Variants in VPS13D observed in about 807,000 individuals in gnomAD.
VPS13D encodes the protein intermembrane lipid transfer protein VPS13D.
VPS13D carries 187 observed loss-of-function variants against 461.9 expected under a neutral mutation model. The observed-to-expected ratio is 0.40, with a 90% CI of 0.36 to 0.46. The LOEUF (loss-of-function observed/expected upper bound fraction) is 0.46. Ranked by LOEUF, VPS13D falls within the 20% of genes least tolerant of loss-of-function variation. The pLI, the probability that VPS13D is intolerant of heterozygous loss-of-function variation, is 0.60. For missense variants in VPS13D, 4,711 were observed against 5,364.9 expected, an observed-to-expected ratio of 0.88 and a Z score of 3.81; for synonymous variants, 1,951 against 1,986.3, an observed-to-expected ratio of 0.98 and a Z score of 0.47.
At chr1:12,470,646 G>C (rs1471533848) in intron 67 of VPS13D, among the ~76,000 whole-genome samples, 1 of 152,106 alleles carries the variant, frequency 6.6e-6, no homozygotes, top group Non-Finnish European at 1.5e-5. Flanking sequence ...AAATAATTGA[G>C]GACAAACTGC....
chr1:12,248,935 A>G (rs72864965), intron 5 of VPS13D, among the ~76,000 whole-genome samples: 1,836 of 152,318 alleles, frequency 0.012, 34 homozygotes, highest in African/African-American at 0.042. Context: ...AGTAACATTC[A>G]AGAGAGTTAT....
Position 12,473,362 on chromosome 1 carries a change from C to T in VPS13D, c.12662+12966C>T, listed in dbSNP as rs752229753. Among the ~76,000 whole-genome samples the T allele has an allele frequency of 1.3e-5, 2 of 152,224 alleles. No homozygotes were observed. The highest frequency in any genetic ancestry group is 2.9e-5 in the Non-Finnish European group (2 of 68,042). On this transcript the variant is annotated intron_variant, in intron 67 of 69. Transcript: ENST00000620676. This position sits in a 1 kb window ranked among gnomAD's most constrained non-coding sequence, Gnocchi z 4.2. Reference sequence around the variant, plus strand: ...TGGCAGTCAGTGTGAAAAGAAACCACGCATTTGCAGGAAGCAAGAAGGGGT... The same window carrying T: ...TGGCAGTCAGTGTGAAAAGAAACCATGCATTTGCAGGAAGCAAGAAGGGGT...
At chr1:12,412,378 G>A (rs1644740553) in intron 63 of VPS13D, among the ~76,000 whole-genome samples, 1 of 152,174 alleles carries the variant, frequency 6.6e-6, no homozygotes, top group African/African-American at 2.4e-5. Flanking sequence ...GTACAAAGTT[G>A]GGGAGAGCTT....
chr1:12,428,115 G>A (rs1194918234), intron 65 of VPS13D, among the ~76,000 whole-genome samples: 1 of 152,232 alleles, frequency 6.6e-6, no homozygotes, highest in Non-Finnish European at 1.5e-5. Context: ...TTTCTACAGT[G>A]TTGGGGATGA....
At chr1:12,438,537 C>A (rs144195982) in intron 65 of VPS13D, among the ~76,000 whole-genome samples, 79 of 152,288 alleles carry the variant, frequency 5.2e-4, no homozygotes, top group Middle Eastern at 3.4e-3. Context: ...TTAAAATTTT[C>A]TTGAGTTTTT....
rs527452826 is a variant in VPS13D at position 12,270,822 on chromosome 1, C to T, written c.1973-172C>T. 4.6e-5 allele frequency among the ~76,000 whole-genome samples: 7 copies of T among 152,210 alleles called. No homozygotes were observed. The South Asian group carries it at 1.0e-3, about 23-fold the overall frequency. ...CCTCAGTCTCCTGGGCTCAGGCATC[C>T]TCCTGCCTTGGCCTCCCAAAGTGCT... On this transcript the variant is annotated intron_variant, in intron 16 of 69. Coordinates refer to ENST00000620676, the MANE Select transcript of VPS13D (RefSeq NM_015378.4).
At position 12,377,724 on chromosome 1, in the gene VPS13D, G is replaced by A. The variant is rs555699245; in HGVS notation, c.10918-704G>A. 1.0e-3 allele frequency among the ~76,000 whole-genome samples: 156 copies of A among 151,276 alleles called. 1 individual carries two copies. Among genetic ancestry groups the A allele is most frequent in the African/African-American group, 3.6e-3 (148 of 41,186 alleles). On this transcript the variant is annotated intron_variant, in intron 55 of 69. Coordinates refer to ENST00000620676, the MANE Select transcript of VPS13D (RefSeq NM_015378.4). ...AATCCCAGCTACTCGGGAGGCTGAG[G>A]CAGGAGAATTCGCCTGAACCCAGGA... is the stretch of plus-strand genomic sequence containing the variant.
Position 12,506,859 on chromosome 1 carries a change from C to T in VPS13D, c.12801C>T (p.Ile4267=), listed in dbSNP as rs557569408. 10 of 1,614,028 alleles carry T rather than the reference C, an allele frequency of 6.2e-6. No homozygotes were observed. In the Admixed American group the frequency reaches 6.7e-5, roughly 11 times the overall value. The change falls in exon 69 of 70, where the codon ATC becomes ATT. Residue 4267 remains isoleucine (I), a synonymous_variant. Coordinates refer to ENST00000620676, the MANE Select transcript of VPS13D (RefSeq NM_015378.4). Reference sequence around the variant, plus strand: ...TTCCCGTCTCGCTTTGCAGCTTCATCGCTGTGGAGAACATTGACAGCTACT... The same window carrying T: ...TTCCCGTCTCGCTTTGCAGCTTCATTGCTGTGGAGAACATTGACAGCTACT... ...LTDNIQDEFF[I]AVENIDSYCV...
At chr1:12,324,725 G>T (rs1031586103) in intron 35 of VPS13D, among the ~76,000 whole-genome samples, 1 of 152,214 alleles carries the variant, frequency 6.6e-6, no homozygotes, top group African/African-American at 2.4e-5. Flanking sequence ...CTCTATAAAT[G>T]TTAACCACTG....
intron 29 of VPS13D, 70 bp from the exon 30 acceptor site, chr1:12,314,045 A>G: frequency 7.1e-7 from 1 of 1,413,656 alleles, no homozygotes; most frequent in Non-Finnish European, 9.8e-7. Context: ...CGTTATCTCG[A>G]ACTTATATAC....
At chr1:12,321,126 C>T (rs1643023585) in intron 32 of VPS13D, among the ~76,000 whole-genome samples, 2 of 152,166 alleles carry the variant, frequency 1.3e-5, no homozygotes, top group Non-Finnish European at 2.9e-5. Context: ...TCCCTTCTTT[C>T]TCTCTCCCAA....
intron 67 of VPS13D, among the ~76,000 whole-genome samples, chr1:12,475,515 G>A (rs1330943947): frequency 1.3e-5 from 2 of 152,210 alleles, no homozygotes; most frequent in Non-Finnish European, 2.9e-5. Context: ...AAATAAAAAA[G>A]CACTAGGTTA....
Position 12,311,564 on chromosome 1 carries a change from AC to A in VPS13D, c.6763del (p.Leu2255TrpfsTer5). On this transcript the variant is annotated frameshift_variant, in exon 28 of 70. Coordinates refer to ENST00000620676, the MANE Select transcript of VPS13D (RefSeq NM_015378.4). LOFTEE classifies it high-confidence loss of function. Reference protein sequence around the residue: ...YKLIRGLLENNLGEPIEEFMR... With the variant: ...YKLIRGLLENXLGEPIEEFMR... ...CTGATCCGCGGCTTATTAGAGAACA[AC>A]CTGGGAGAACCCATAGAGGAATTTA... 1 of 1,614,192 alleles carries A rather than the reference AC, an allele frequency of 6.2e-7. No individual in the cohort carries two copies.
At chr1:12,253,373 G>A (rs1172371911) in intron 6 of VPS13D, among the ~76,000 whole-genome samples, 1 of 152,078 alleles carries the variant, frequency 6.6e-6, no homozygotes, top group Non-Finnish European at 1.5e-5. Context: ...ACTGAGGGAG[G>A]ACTGTATGGT....
Position 12,502,582 on chromosome 1 carries a change from T to G in VPS13D, c.12795-4271T>G, listed in dbSNP as rs1161869642. ...CTGTTCCAGGAGCTCTGAGTCAGGC[T>G]TCTGATTTTGAAATGACTCCAGAGG... On this transcript the variant is annotated intron_variant, in intron 68 of 69. Transcript: ENST00000620676. This position sits in a 1 kb window ranked among gnomAD's most constrained non-coding sequence, Gnocchi z 4.3. Among the ~76,000 whole-genome samples, 1 of 151,882 alleles carries G rather than the reference T, an allele frequency of 6.6e-6. No individual in the cohort carries two copies. Among genetic ancestry groups the G allele is most frequent in the East Asian group, 1.9e-4 (1 of 5,166 alleles).
At chr1:12,358,669 A>T in intron 50 of VPS13D, 68 bp downstream of exon 50, 1 of 1,574,392 alleles carries the variant, frequency 6.4e-7, no homozygotes, top group South Asian at 1.2e-5. Context: ...TGGAGGAATG[A>T]CCTGGCCATG....
chr1:12,308,687 C>T (rs772275798), intron 27 of VPS13D, 46 bp downstream of exon 27: 1 of 1,587,152 alleles, frequency 6.3e-7, no homozygotes, highest in Non-Finnish European at 8.6e-7. Context: ...GCTCTGTTCA[C>T]CAGGCAGGGT....
intron 27 of VPS13D, among the ~76,000 whole-genome samples, chr1:12,309,825 A>G (rs1642682925): frequency 6.6e-6 from 1 of 151,758 alleles, no homozygotes; most frequent in African/African-American, 2.4e-5. Context: ...CATGATTTGA[A>G]TCTCTTTTTG....
intron 54 of VPS13D, among the ~76,000 whole-genome samples, chr1:12,370,573 T>G (rs1194943263): frequency 6.6e-6 from 1 of 152,250 alleles, no homozygotes; most frequent in Admixed American, 6.5e-5. Flanking sequence ...ATTTCACTAG[T>G]AATAATTGAA....
Sources: allele counts gnomAD v4.1 joint callset (sites outside exome capture counted in the v4.1 genomes callset), GRCh38; gene constraint gnomAD v4.1.1; non-coding constraint Gnocchi (gnomAD v3.1); transcripts MANE v1.5; gene names NCBI Gene and HGNC (gene_info 2026-07-23, HGNC 2026-07-21).